The following PARD3 variants were observed in gnomAD, a reference collection of about 807,000 sequenced individuals.
PARD3 encodes the protein partitioning defective 3 homolog.
In PARD3, 75 loss-of-function variants were observed where a neutral mutation model predicts 155.4. That is an observed-to-expected ratio of 0.48 (90% CI 0.40 to 0.58). The LOEUF is 0.58. Ranked by LOEUF, PARD3 falls within the 20% of genes least tolerant of loss-of-function variation. The probability of loss-of-function intolerance (pLI) is 0.00; values close to 1 mark genes in which losing one functional copy is unlikely to be tolerated. For missense variants in PARD3, 1,642 were observed against 1,721.7 expected (o/e 0.95, Z 0.82); for synonymous variants, 576 against 610.5 (o/e 0.94, Z 0.83).
intron 11 of PARD3, among the ~76,000 whole-genome samples, chr10:34,374,360 A>G (rs1338168345): frequency 6.6e-6 from 1 of 152,222 alleles, no homozygotes. Context: ...TGTATAATTA[A>G]TAGCCATGAG....
chr10:34,622,936 CCTTTTTCCCCATGTGTGT>C (rs2091775655), intron 2 of PARD3, among the ~76,000 whole-genome samples: 1 of 150,838 alleles, frequency 6.6e-6, no homozygotes, highest in Non-Finnish European at 1.5e-5. Context: ...CTTTTCAGGA[CCTTTTTCCCCATGTGTGT>C]CTTTTTTTCC....
chr10:34,528,511 G>A (rs2082624105), intron 2 of PARD3, among the ~76,000 whole-genome samples: 2 of 152,256 alleles, frequency 1.3e-5, no homozygotes, highest in South Asian at 4.1e-4. Context: ...TCACTCCTCT[G>A]GGCTCAGTAG....
intron 3 of PARD3, among the ~76,000 whole-genome samples, chr10:34,502,023 A>C (rs2080748837): frequency 6.6e-6 from 1 of 152,244 alleles, no homozygotes; most frequent in Non-Finnish European, 1.5e-5. Context: ...CATATTGAGA[A>C]GTAAAGATCT....
chr10:34,177,402 G>C lies in PARD3; in HGVS notation c.3420-45819C>G, dbSNP rs537642229. 2.0e-5 allele frequency among the ~76,000 whole-genome samples: 3 copies of C among 152,104 alleles called. No homozygotes were observed. The East Asian group carries it at 5.8e-4, about 29-fold the overall frequency. ...GAGCTTTCATTTTCATTCATGATCTGATGGAATAAGATAAAAGATTAGACA... is the reference window on the plus strand; with the variant it reads ...GAGCTTTCATTTTCATTCATGATCTCATGGAATAAGATAAAAGATTAGACA... On this transcript the variant is annotated intron_variant, in intron 22 of 24. Coordinates refer to ENST00000374788, the MANE Select transcript of PARD3 (RefSeq NM_001184785.2).
intron 1 of PARD3, among the ~76,000 whole-genome samples, chr10:34,803,160 A>G (rs1375679787): frequency 6.6e-6 from 1 of 151,272 alleles, no homozygotes; most frequent in Non-Finnish European, 1.5e-5. Flanking sequence ...AATCAGTTGA[A>G]CCCAGGAGAC....
At chr10:34,334,276 A>G (rs1662979257) in intron 18 of PARD3, among the ~76,000 whole-genome samples, 1 of 150,950 alleles carries the variant, frequency 6.6e-6, no homozygotes, top group South Asian at 2.1e-4. Context: ...GGAAAAAAAA[A>G]GAGGGAAATC....
chr10:34,740,945 A>T (rs2094998900), intron 1 of PARD3, among the ~76,000 whole-genome samples: 1 of 152,162 alleles, frequency 6.6e-6, no homozygotes, highest in Admixed American at 6.5e-5. Flanking sequence ...TGTCTCAAAT[A>T]ACTAACTCGA....
chr10:34,427,156 C>G (rs2075654583), intron 5 of PARD3, among the ~76,000 whole-genome samples: 1 of 152,162 alleles, frequency 6.6e-6, no homozygotes, highest in Non-Finnish European at 1.5e-5. Flanking sequence ...ACCTTAAGAA[C>G]AGGATAACAG....
intron 20 of PARD3, among the ~76,000 whole-genome samples, chr10:34,301,159 T>A (rs868055878): frequency 6.6e-6 from 1 of 152,280 alleles, no homozygotes; most frequent in Middle Eastern, 3.4e-3. Context: ...GTTCTCAACT[T>A]GAACAAGCAT....
chr10:34,519,428 T>C (rs541919234), intron 2 of PARD3, among the ~76,000 whole-genome samples: 21 of 152,286 alleles, frequency 1.4e-4, no homozygotes, highest in Admixed American at 2.6e-4. Flanking sequence ...TTAAATGTTA[T>C]AATATTTTTA....
In PARD3 at chr10:34,174,215, C is replaced by T. The variant is rs114928336; in HGVS notation, c.3420-42632G>A. Among the ~76,000 whole-genome samples, 401 of 152,246 alleles carry T rather than the reference C, an allele frequency of 2.6e-3. 4 individuals carry two copies. The highest frequency in any genetic ancestry group is 9.2e-3 in the African/African-American group (383 of 41,532). Reference sequence around the variant, plus strand: ...AGTGGGGCTGCTCAAAACAGACTTTCGGAAAGATACTACCATCATAAATTC... The same window carrying T: ...AGTGGGGCTGCTCAAAACAGACTTTTGGAAAGATACTACCATCATAAATTC... On this transcript the variant is annotated intron_variant, in intron 22 of 24. Coordinates refer to ENST00000374788, the MANE Select transcript of PARD3 (RefSeq NM_001184785.2).
chr10:34,258,790 C>T (rs1340075165), intron 22 of PARD3, among the ~76,000 whole-genome samples: 1 of 152,170 alleles, frequency 6.6e-6, no homozygotes, highest in Non-Finnish European at 1.5e-5. Context: ...GACACAGTGG[C>T]TCACATCTAC....
At chr10:34,247,495 G>A (rs1954031637) in intron 22 of PARD3, among the ~76,000 whole-genome samples, 1 of 152,042 alleles carries the variant, frequency 6.6e-6, no homozygotes, top group Non-Finnish European at 1.5e-5. Flanking sequence ...CAGCGACTCT[G>A]AAAGAAACAA....
chr10:34,382,346 T>C (rs1473963230), intron 9 of PARD3, among the ~76,000 whole-genome samples, 194 bp downstream of exon 9: 2 of 152,198 alleles, frequency 1.3e-5, no homozygotes, highest in South Asian at 2.1e-4. Flanking sequence ...CTGAGACATA[T>C]AAGAAATACA....
At chr10:34,795,232 G>A (rs1458520138) in intron 1 of PARD3, among the ~76,000 whole-genome samples, 1 of 152,246 alleles carries the variant, frequency 6.6e-6, no homozygotes, top group Non-Finnish European at 1.5e-5. Context: ...GAAGGACACT[G>A]GCTGTGGGAT....
intron 22 of PARD3, among the ~76,000 whole-genome samples, chr10:34,213,064 G>C (rs1361917217): frequency 6.6e-6 from 1 of 152,168 alleles, no homozygotes; most frequent in Admixed American, 6.5e-5. Context: ...TCTGTTTTGT[G>C]TTACTATCAC....
At chr10:34,512,471 C>T (rs924184677) in intron 3 of PARD3, among the ~76,000 whole-genome samples, 1 of 152,172 alleles carries the variant, frequency 6.6e-6, no homozygotes, top group Admixed American at 6.5e-5. Context: ...CATAACTGCC[C>T]TATTTTCTGA....
intron 5 of PARD3, among the ~76,000 whole-genome samples, chr10:34,411,955 TGTGTGTG>T (rs1845124368): frequency 2.7e-5 from 4 of 148,738 alleles, no homozygotes; most frequent in African/African-American, 7.4e-5. Context: ...TGTGTGTGTG[TGTGTGTG>T]TATTTCCTCC....
intron 1 of PARD3, among the ~76,000 whole-genome samples, chr10:34,708,152 G>T (rs1202842473): frequency 6.6e-6 from 1 of 152,030 alleles, no homozygotes; most frequent in African/African-American, 2.4e-5. Flanking sequence ...GAAATACAGG[G>T]GATAGAGAAC....
Sources: gnomAD v4.1 joint callset for allele counts (sites outside exome capture counted in the v4.1 genomes callset) on GRCh38, gnomAD v4.1.1 for gene constraint, MANE v1.5 for transcripts, NCBI Gene and HGNC (gene_info 2026-07-23, HGNC 2026-07-21) for gene names.